Variants in TAF1 observed in about 807,000 individuals in gnomAD.
TAF1 encodes the protein transcription initiation factor TFIID subunit 1.
Under a neutral mutation model 138.5 loss-of-function variants are expected in TAF1, and 2 were observed. That is an observed-to-expected ratio of 0.01 (90% CI 0.01 to 0.05). The LOEUF is 0.05. Among genes scored for constraint, TAF1 ranks in the 10% least tolerant of loss-of-function variants. The pLI is 1.00. For synonymous variants in TAF1, 437 were observed against 503.2 expected (o/e 0.87, Z 1.76); for missense variants, 709 against 1,478.0 (o/e 0.48, Z 8.53).
At chrX:71,471,712 G>A (rs1166560476) in intron 13 of TAF1, among the ~76,000 whole-genome samples, 5 of 111,432 alleles carry the variant, frequency 4.5e-5, no homozygotes, top group African/African-American at 1.6e-4. Context: ...ACACTCCACA[G>A]GGTGGGAAGC....
chrX:71,408,753 C>T (rs747596550), intron 28 of TAF1, among the ~76,000 whole-genome samples: 10 of 106,439 alleles, frequency 9.4e-5, no homozygotes, highest in East Asian at 3.5e-4. Flanking sequence ...CGGCTGGGCG[C>T]GGTGGCTCAC....
At chrX:71,463,226 T>A (rs992581482) in intron 37 of TAF1, among the ~76,000 whole-genome samples, 14 of 111,652 alleles carry the variant, frequency 1.3e-4, no homozygotes, top group Non-Finnish European at 2.1e-4. Context: ...TTTTTTTAAA[T>A]TTTTTTCTGG....
chrX:71,465,023 A>G lies in TAF1; in HGVS notation c.*977A>G, dbSNP rs1484658404. 9.3e-6 allele frequency: 1 copy of G among 107,786 alleles called. No homozygotes were observed. Among genetic ancestry groups the G allele is most frequent in the Non-Finnish European group, 1.9e-5 (1 of 52,002 alleles). The allele number at this position is 107,786 out of a possible 1,213,427, so 8.9% of individuals were successfully genotyped here. On this transcript the variant is annotated 3_prime_UTR_variant, in exon 38 of 38. Transcript: ENST00000423759. ...GGAAAATGGTAAGTTTCTTAGGGCAAAGACTGTGTCTTCTGTTTCTTTTCA... is the reference window on the plus strand; with the variant it reads ...GGAAAATGGTAAGTTTCTTAGGGCAGAGACTGTGTCTTCTGTTTCTTTTCA...
chrX:71,389,744 A>G, intron 18 of TAF1, 79 bp downstream of exon 18: 1 of 810,189 alleles, frequency 1.2e-6, no homozygotes, highest in Non-Finnish European at 1.8e-6. Flanking sequence ...TATTGAGATA[A>G]CATAAAATAA....
chrX:71,382,703 A>G (rs1324674024), intron 10 of TAF1, 40 bp downstream of exon 10: 40 of 1,204,640 alleles, frequency 3.3e-5, no homozygotes, highest in Non-Finnish European at 3.9e-5. Flanking sequence ...TAGAAGAACA[A>G]AGAAAGGTAA....
chrX:71,380,786 G>A (rs764353976), intron 8 of TAF1, among the ~76,000 whole-genome samples: 2 of 112,004 alleles, frequency 1.8e-5, no homozygotes, highest in South Asian at 3.7e-4. Flanking sequence ...TGCCTCCCAG[G>A]TTGAAGTGAT....
Position 71,407,952 on chromosome X carries a change from T to C in TAF1, c.4207-22T>C, listed in dbSNP as rs771689434. 3.3e-6 allele frequency: 4 copies of C among 1,197,353 alleles called. No individual in the cohort carries two copies. In the South Asian group the frequency reaches 5.5e-5, roughly 17 times the overall value. On this transcript the variant is annotated intron_variant, in intron 27 of 37. Transcript: ENST00000423759. ...CTGGCAACTGTTATTTGCTGATGTA[T>C]GGTTCTGGCCCTTGTTTGCAGACAT...
intron 34 of TAF1, among the ~76,000 whole-genome samples, chrX:71,455,849 A>G (rs917985709): frequency 3.3e-4 from 37 of 112,056 alleles, no homozygotes; most frequent in African/African-American, 1.1e-3. Flanking sequence ...CTGATAATGC[A>G]ACCTATGTGA....
At chrX:71,529,245 G>C (rs1341878156) in intron 14 of TAF1, among the ~76,000 whole-genome samples, 1 of 110,108 alleles carries the variant, frequency 9.1e-6, no homozygotes, top group Non-Finnish European at 1.9e-5. Flanking sequence ...CTAATTTTTT[G>C]TATTTTTAGT....
rs775575079 is a variant in TAF1, at chrX:71,464,560, C to T, written c.*514C>T. ...TCTCTACTAAAAATACAAAAATTAGCCAGGTGTGGTGGCGTATGCCTGTTA... is the reference window on the plus strand; with the variant it reads ...TCTCTACTAAAAATACAAAAATTAGTCAGGTGTGGTGGCGTATGCCTGTTA... On this transcript the variant is annotated 3_prime_UTR_variant, in exon 38 of 38. Transcript: ENST00000423759. 9 of 241,056 alleles carry T rather than the reference C, an allele frequency of 3.7e-5. No homozygotes were observed. Among genetic ancestry groups the T allele is most frequent in the Non-Finnish European group, 6.6e-5 (9 of 136,192 alleles). The allele number at this position is 241,056 out of a possible 1,213,427, so 19.9% of individuals were successfully genotyped here.
chrX:71,451,971 C>T (rs1277861409), intron 32 of TAF1, among the ~76,000 whole-genome samples: 1 of 112,687 alleles, frequency 8.9e-6, no homozygotes, highest in Non-Finnish European at 1.9e-5. Context: ...CATCATGGCC[C>T]GTTCTCAATG....
At chrX:71,488,202 C>T (rs2039207046) in intron 13 of TAF1, among the ~76,000 whole-genome samples, 1 of 108,182 alleles carries the variant, frequency 9.2e-6, no homozygotes, top group Admixed American at 1.0e-4. Context: ...TCTCTCTAAT[C>T]CCTTCAGGTG....
At chrX:71,436,461 T>C (rs1602667056) in intron 32 of TAF1, among the ~76,000 whole-genome samples, 2 of 109,187 alleles carry the variant, frequency 1.8e-5, no homozygotes. Context: ...GTGATCCGCC[T>C]GCCTCGGCCT....
rs150571439 is a variant in TAF1 at position 71,442,693 on chromosome X, T to C, written c.4754-11477T>C. Among the ~76,000 whole-genome samples, 650 of 112,149 alleles carry C rather than the reference T, an allele frequency of 5.8e-3. 6 individuals are homozygous for C. The highest frequency in any genetic ancestry group is 7.8e-3 in the Non-Finnish European group (417 of 53,227). On this transcript the variant is annotated intron_variant, in intron 32 of 37. Coordinates refer to ENST00000423759, the MANE Select transcript of TAF1 (RefSeq NM_004606.5). ...AGATCTCATTTGTCAATTTTGGCTT[T>C]TGTTGCCATTGGTTTTGGTGTTTTA... is the stretch of plus-strand genomic sequence containing the variant.
chrX:71,505,372 T>C (rs1361626096), intron 13 of TAF1, among the ~76,000 whole-genome samples: 1 of 110,003 alleles, frequency 9.1e-6, no homozygotes, highest in East Asian at 2.9e-4. Flanking sequence ...GTGAGAAGAG[T>C]AAAAGCAGTG....
chrX:71,405,335 G>C (rs1042195577), intron 25 of TAF1, among the ~76,000 whole-genome samples: 1 of 110,814 alleles, frequency 9.0e-6, no homozygotes, highest in African/African-American at 3.3e-5. Flanking sequence ...AGTCATTTAT[G>C]TGTTTGTTTT....
intron 35 of TAF1, 76 bp from the exon 36 acceptor site, chrX:71,459,476 G>T (rs1363140868): frequency 8.6e-6 from 10 of 1,156,682 alleles, no homozygotes; most frequent in Middle Eastern, 3.4e-4. Flanking sequence ...GGGGAGGGGG[G>T]GTGTGCCTGG....
At chrX:71,445,298 C>CAAA (rs41356545) in intron 32 of TAF1, among the ~76,000 whole-genome samples, 2 of 36,951 alleles carry the variant, frequency 5.4e-5, no homozygotes, top group African/African-American at 1.1e-4. Context: ...AGACTCATCT[C>CAAA]AAAAAAAAAA....
At chrX:71,488,317 C>T (rs1211549103) in intron 13 of TAF1, among the ~76,000 whole-genome samples, 2 of 100,584 alleles carry the variant, frequency 2.0e-5, no homozygotes, top group Non-Finnish European at 4.0e-5. Flanking sequence ...GATCTCGGCT[C>T]ACTGCAACCT....
Sources: gnomAD v4.1 joint callset for allele counts (sites outside exome capture counted in the v4.1 genomes callset) on GRCh38, gnomAD v4.1.1 for gene constraint, MANE v1.5 for transcripts, NCBI Gene and HGNC (gene_info 2026-07-23, HGNC 2026-07-21) for gene names.